Variants in ENTREP2 observed in about 807,000 individuals in gnomAD.
ENTREP2 encodes protein ENTREP2.
chr15:29,305,961 T>G, the ENTREP2 span, among the ~76,000 whole-genome samples: 1 of 152,158 alleles, frequency 6.6e-6, no homozygotes, highest in Non-Finnish European at 1.5e-5. Flanking sequence ...AAGCAGCCAG[T>G]GAGGTAGGGA....
the ENTREP2 span, among the ~76,000 whole-genome samples, chr15:29,408,428 C>A: frequency 1.3e-5 from 2 of 151,956 alleles, no homozygotes. Flanking sequence ...AAAGGAGGAA[C>A]GCCCTGGTGG....
chr15:29,240,950 A>C, the ENTREP2 span, among the ~76,000 whole-genome samples: 1 of 152,342 alleles, frequency 6.6e-6, no homozygotes, highest in South Asian at 2.1e-4. Context: ...GGTTTGTATA[A>C]AAATATCAAA....
At chr15:29,164,412 C>T in the ENTREP2 span, among the ~76,000 whole-genome samples, 9 of 152,154 alleles carry the variant, frequency 5.9e-5, no homozygotes, top group South Asian at 2.1e-4. Flanking sequence ...GATAAGAACT[C>T]GCCAACCAAC....
chr15:29,218,220 T>C, the ENTREP2 span, among the ~76,000 whole-genome samples: 1 of 152,186 alleles, frequency 6.6e-6, no homozygotes, highest in Non-Finnish European at 1.5e-5. Context: ...TTTGTGCTGG[T>C]TGGCCTCCTG....
chr15:29,176,584 C>T, the ENTREP2 span, among the ~76,000 whole-genome samples: 1 of 152,134 alleles, frequency 6.6e-6, no homozygotes, highest in Non-Finnish European at 1.5e-5. Flanking sequence ...GAGAAGCCCC[C>T]AGGAAGTGTG....
chr15:29,219,431 A>C, the ENTREP2 span, among the ~76,000 whole-genome samples: 1 of 151,736 alleles, frequency 6.6e-6, no homozygotes, highest in South Asian at 2.1e-4. Context: ...AAAGAAGTAA[A>C]ATAGAACTAC....
At chr15:29,365,420 T>G in the ENTREP2 span, among the ~76,000 whole-genome samples, 1 of 151,942 alleles carries the variant, frequency 6.6e-6, no homozygotes, top group Admixed American at 6.6e-5. Context: ...GCCCAGCTAA[T>G]TTTTGTATTT....
At chr15:29,271,247 A>G in the ENTREP2 span, among the ~76,000 whole-genome samples, 1 of 152,186 alleles carries the variant, frequency 6.6e-6, no homozygotes, top group African/African-American at 2.4e-5. Context: ...CAAGGCATTC[A>G]TTTTTTTACA....
At chr15:29,521,279 A>C in the ENTREP2 span, among the ~76,000 whole-genome samples, 107 of 152,336 alleles carry the variant, frequency 7.0e-4, 1 homozygote, top group Middle Eastern at 3.4e-3. Context: ...CTTTGTTCTA[A>C]AACTGACAAA....
the ENTREP2 span, among the ~76,000 whole-genome samples, chr15:29,521,500 T>C: frequency 7.9e-5 from 12 of 152,324 alleles, no homozygotes; most frequent in Admixed American, 7.8e-4. Flanking sequence ...TTTGAATGCC[T>C]TGAAAGCTAG....
the ENTREP2 span, among the ~76,000 whole-genome samples, chr15:29,657,028 C>A: frequency 1.3e-5 from 2 of 152,058 alleles, no homozygotes; most frequent in Non-Finnish European, 2.9e-5. Context: ...AGAACGAAGC[C>A]GGGCCTTCGT....
the ENTREP2 span, among the ~76,000 whole-genome samples, chr15:29,646,026 T>A: frequency 6.6e-6 from 1 of 152,192 alleles, no homozygotes; most frequent in African/African-American, 2.4e-5. Flanking sequence ...AGATTTATGT[T>A]TTTGGTCTTG....
chr15:29,140,821 G>A, the ENTREP2 span, among the ~76,000 whole-genome samples: 1 of 152,312 alleles, frequency 6.6e-6, no homozygotes, highest in Non-Finnish European at 1.5e-5. Context: ...GCTGTGAACA[G>A]TCCCTTCTTT....
At chr15:29,167,193 T>A in the ENTREP2 span, among the ~76,000 whole-genome samples, 74,641 of 152,034 alleles carry the variant, frequency 0.49, 19,261 homozygotes, top group East Asian at 0.71. Flanking sequence ...GACTTAAATC[T>A]AAGACCTGAA....
At chr15:29,138,421 T>C in the ENTREP2 span, among the ~76,000 whole-genome samples, 3 of 152,164 alleles carry the variant, frequency 2.0e-5, no homozygotes, top group Non-Finnish European at 4.4e-5. Flanking sequence ...TGCCGCCCTA[T>C]GAGTGTCTAC....
At chr15:29,634,938 G>C in the ENTREP2 span, among the ~76,000 whole-genome samples, 1 of 152,138 alleles carries the variant, frequency 6.6e-6, no homozygotes, top group South Asian at 2.1e-4. Flanking sequence ...CCCGTGTTCA[G>C]CCATCCAAAA....
chr15:29,638,355 T>C, the ENTREP2 span, among the ~76,000 whole-genome samples: 2 of 152,198 alleles, frequency 1.3e-5, no homozygotes, highest in African/African-American at 2.4e-5. Context: ...TCCAAGGGCA[T>C]AGTCCCTGCA....
At chr15:29,317,554 C>A in the ENTREP2 span, among the ~76,000 whole-genome samples, 1 of 152,238 alleles carries the variant, frequency 6.6e-6, no homozygotes, top group African/African-American at 2.4e-5. Flanking sequence ...ATATGCAAAA[C>A]GGAACACGAA....
chr15:29,466,053 C>G, the ENTREP2 span, among the ~76,000 whole-genome samples: 1 of 152,168 alleles, frequency 6.6e-6, no homozygotes, highest in Admixed American at 6.5e-5. Flanking sequence ...GTGCTGTTCT[C>G]TGTACCGGCA....
Sources: gnomAD v4.1 joint callset for allele counts (sites outside exome capture counted in the v4.1 genomes callset) on GRCh38, gnomAD v4.1.1 for gene constraint, MANE v1.5 for transcripts, NCBI Gene and HGNC (gene_info 2026-07-23, HGNC 2026-07-21) for gene names.